Variants in PLA2G4B observed in about 807,000 individuals in gnomAD.
The protein encoded by PLA2G4B is cytosolic phospholipase A2 beta.
Under a neutral mutation model 95.8 loss-of-function variants are expected in PLA2G4B, and 122 were observed. That is an observed-to-expected ratio of 1.27 (90% CI 1.10 to 1.48). The LOEUF (loss-of-function observed/expected upper bound fraction) is 1.48. Ranked by LOEUF, PLA2G4B falls within the 40% of genes most tolerant of loss-of-function variation. The pLI is 0.00. For synonymous variants in PLA2G4B, 518 were observed against 421.5 expected, an observed-to-expected ratio of 1.23 and a Z score of -2.80; for missense variants, 1,158 against 996.2, an observed-to-expected ratio of 1.16 and a Z score of -2.19.
At chr15:41,840,977 C>A in intron 4 of PLA2G4B, 72 bp downstream of exon 4, 1 of 1,583,334 alleles carries the variant, frequency 6.3e-7, no homozygotes, top group South Asian at 1.2e-5. Flanking sequence ...CATGCACACA[C>A]ACGCATGTCT....
rs759945034 is a variant in PLA2G4B at position 41,840,912 on chromosome 15, C to T, written c.351+7C>T. The T allele has an allele frequency of 1.6e-5, 26 of 1,611,294 alleles. No homozygotes were observed. Among genetic ancestry groups the T allele is most frequent in the East Asian group, 2.2e-5 (1 of 44,792 alleles). ...CTTCTCACTGAGCCCTCAGGCAAGG[C>T]GGTGTTTCCACGGCAGCCCTAGCTG... On this transcript the variant is annotated splice_region_variant and intron_variant, in intron 4 of 19. Coordinates refer to ENST00000458483, the MANE Select transcript of PLA2G4B (RefSeq NM_001114633.2).
chr15:41,841,978 GC>G, intron 8 of PLA2G4B, 29 bp downstream of exon 8: 2 of 1,599,378 alleles, frequency 1.3e-6, no homozygotes, highest in South Asian at 1.1e-5. Flanking sequence ...TCGAGGTGGG[GC>G]CCCCAGAACT....
In PLA2G4B at chr15:41,843,769, G is replaced by C. The variant is rs368051052; in HGVS notation, c.837G>C (p.Leu279Phe). 9.9e-6 allele frequency: 16 copies of C among 1,613,784 alleles called. No homozygotes were observed. The highest frequency in any genetic ancestry group is 1.4e-5 in the Non-Finnish European group (16 of 1,179,826). The change falls in exon 11 of 20, where the codon TTG (leucine) becomes TTC (phenylalanine). Residue 279 changes from leucine to phenylalanine, a missense_variant. Coordinates refer to ENST00000458483, the MANE Select transcript of PLA2G4B (RefSeq NM_001114633.2). ...GGAAGCAGGTGGTGGCCGCGGCCTT[G>C]AGGCAGGCCCTGCAGCTGGACGGAG... Reference protein sequence around the residue: ...SRRKQVVAAALRQALQLDGDL... With the variant: ...SRRKQVVAAAFRQALQLDGDL...
intron 7 of PLA2G4B, 122 bp downstream of exon 7, chr15:41,841,693 G>C: frequency 1.3e-6 from 2 of 1,563,136 alleles, no homozygotes; most frequent in African/African-American, 1.4e-5. Flanking sequence ...GGACTGTGGT[G>C]GGGGATCCAT....
Position 41,847,486 on chromosome 15 carries a change from T to G in PLA2G4B, c.2097T>G (p.Pro699=). The change falls in exon 19 of 20, where the codon CCT becomes CCG. Residue 699 remains proline, a synonymous_variant. Coordinates refer to ENST00000458483, the MANE Select transcript of PLA2G4B (RefSeq NM_001114633.2). ...CPGAPAVLHF[P]LVSDSFREYS... is the part of the protein sequence containing the mutation. Reference sequence around the variant, plus strand: ...GAGCCCCTGCGGTGCTGCACTTTCCTCTGGTCAGCGACTCCTTCCGGGAGT... The same window carrying G: ...GAGCCCCTGCGGTGCTGCACTTTCCGCTGGTCAGCGACTCCTTCCGGGAGT... 2 of 1,610,674 alleles carry G rather than the reference T, an allele frequency of 1.2e-6. No individual in the cohort carries two copies.
In PLA2G4B at chr15:41,841,076, G is replaced by A; in HGVS notation, c.373G>A (p.Glu125Lys). ...CCAGGGTGAGGGGCGCCTGGAAGTT[G>A]AATTTCGCCTGCAGAGTCTGTGAGT... ...SPQGEGRLEV[E>K]FRLQSLADRG... The change falls in exon 5 of 20, where the codon GAA becomes AAA. Residue 125 changes from glutamate (E) to lysine (K), a missense_variant. Coordinates refer to ENST00000458483, the MANE Select transcript of PLA2G4B (RefSeq NM_001114633.2). 3.8e-6 allele frequency: 6 copies of A among 1,587,860 alleles called. No individual in the cohort carries two copies. Among genetic ancestry groups the A allele is most frequent in the Non-Finnish European group, 5.2e-6 (6 of 1,163,732 alleles).
rs1017093259 is a variant in PLA2G4B at position 41,845,033 on chromosome 15, T to A, written c.1202T>A (p.Leu401Gln). The A allele has an allele frequency of 1.2e-6, 2 of 1,600,800 alleles. No individual in the cohort carries two copies. The highest frequency in any genetic ancestry group is 3.3e-4 in the Middle Eastern group (2 of 6,046). ...RLGYPSCFTN[L>Q]WALINEALLH... ...GGCTACCCAAGCTGCTTCACCAACC[T>A]GTGGGCCCTCATCAACGAGGCGCTG... Residue 401 changes from leucine (L) to glutamine (Q), a missense_variant, in exon 13 of 20, where the codon CTG becomes CAG. Leu to Gln is a moderately radical substitution (Grantham distance 113). Coordinates refer to ENST00000458483, the MANE Select transcript of PLA2G4B (RefSeq NM_001114633.2).
At position 41,848,103 on chromosome 15, in the gene PLA2G4B, T is replaced by G. The variant is rs1595429815; in HGVS notation, c.*243T>G. On this transcript the variant is annotated 3_prime_UTR_variant, in exon 20 of 20. Coordinates refer to ENST00000458483, the MANE Select transcript of PLA2G4B (RefSeq NM_001114633.2). ...GCCTGTTTTCCCTTCTGCGCTACCT[T>G]GAGTAGTTGGAGCACTTGATACATC... 1.7e-6 allele frequency: 1 copy of G among 593,826 alleles called. No individual in the cohort carries two copies. Among genetic ancestry groups the G allele is most frequent in the East Asian group, 2.8e-5 (1 of 35,154 alleles). 36.8% of individuals were successfully genotyped at this position (593,826 alleles called of 1,614,324 possible). A position where few individuals can be genotyped will look rare whatever the true frequency, so the allele number is the denominator to read the frequency against.
At chr15:41,839,844 C>T (rs1267261743) in intron 1 of PLA2G4B, 2 of 326,052 alleles carry the variant, frequency 6.1e-6, no homozygotes, top group South Asian at 5.7e-5. Flanking sequence ...CAAGTGACTG[C>T]TTCTCTGTGC....
In PLA2G4B at chr15:41,844,910, A is replaced by G; in HGVS notation, c.1079A>G (p.Glu360Gly). The change falls in exon 13 of 20, where the codon GAG becomes GGG. Residue 360 changes from glutamate (E) to glycine (G), a missense_variant. Coordinates refer to ENST00000458483, the MANE Select transcript of PLA2G4B (RefSeq NM_001114633.2). ...WSQKDLAGPT[E>G]LLKTQVTKNK... ...CAGAAGGACCTGGCAGGGCCCACTG[A>G]GTTGCTGAAGACCCAGGTGACCAAG... The G allele has an allele frequency of 6.2e-7, 1 of 1,612,226 alleles. No individual in the cohort carries two copies. Among genetic ancestry groups the G allele is most frequent in the South Asian group, 1.1e-5 (1 of 90,482 alleles).
intron 7 of PLA2G4B, 22 bp from the exon 8 acceptor site, chr15:41,841,797 C>CT (rs1567169672): frequency 6.2e-7 from 1 of 1,611,858 alleles, no homozygotes; most frequent in Non-Finnish European, 8.5e-7. Flanking sequence ...CCCAGCCTCT[C>CT]TGCTCTGGTT....
intron 1 of PLA2G4B, chr15:41,839,927 A>G (rs932807857): frequency 6.6e-5 from 36 of 544,806 alleles, no homozygotes; most frequent in African/African-American, 6.2e-4. Flanking sequence ...AAATGAGTTA[A>G]TGTATGCAAA....
intron 4 of PLA2G4B, 41 bp from the exon 5 acceptor site, chr15:41,841,014 C>T (rs775943608): frequency 5.1e-6 from 8 of 1,568,780 alleles, no homozygotes; most frequent in African/African-American, 4.1e-5. Flanking sequence ...TATGTGCACT[C>T]CTTCTGACCC....
rs1312988715 is a variant in PLA2G4B, at chr15:41,847,785, C to T, written c.2271C>T (p.Val757=). Residue 757 remains valine (V), a synonymous_variant, in exon 20 of 20, where the codon GTC becomes GTT. Transcript: ENST00000458483. The part of the protein sequence containing the change: ...DKLLHLTHYN[V]CNNQEQLLEA... ...TGCTGCACCTGACACATTACAATGTCTGCAACAACCAGGAGCAGCTGCTGG... is the reference window on the plus strand; with the variant it reads ...TGCTGCACCTGACACATTACAATGTTTGCAACAACCAGGAGCAGCTGCTGG... 2 of 1,609,854 alleles carry T rather than the reference C, an allele frequency of 1.2e-6. No individual in the cohort carries two copies. Among genetic ancestry groups the T allele is most frequent in the South Asian group, 1.1e-5 (1 of 91,086 alleles).
intron 10 of PLA2G4B, chr15:41,843,111 C>CGGAG (rs1567170554): frequency 4.1e-5 from 5 of 122,316 alleles, no homozygotes; most frequent in Non-Finnish European, 8.5e-5. Flanking sequence ...GATGGAGTCT[C>CGGAG]TCTCTGTCGC....
At chr15:41,845,799 G>A (rs749196798) in intron 15 of PLA2G4B, 24 bp downstream of exon 15, 1 of 1,573,916 alleles carries the variant, frequency 6.4e-7, no homozygotes, top group Non-Finnish European at 8.6e-7. Flanking sequence ...GCAGGCTGGG[G>A]AAGCTGGGCC....
rs1452749205 is a variant in PLA2G4B, at chr15:41,838,892, C to T, written c.-22C>T. 3 of 1,593,226 alleles carry T rather than the reference C, an allele frequency of 1.9e-6. No homozygotes were observed. The highest frequency in any genetic ancestry group is 2.6e-6 in the Non-Finnish European group (3 of 1,168,976). ...TCCTGTGGCCACTGCCCCATCATTC[C>T]TGCTCCTGAGGACTCAGTCTCATGG... On this transcript the variant is annotated 5_prime_UTR_variant, in exon 1 of 20. Transcript: ENST00000458483.
At chr15:41,843,883 C>T in intron 11 of PLA2G4B, 72 bp downstream of exon 11, 1 of 1,567,690 alleles carries the variant, frequency 6.4e-7, no homozygotes, top group South Asian at 1.2e-5. Flanking sequence ...AACACTGGAG[C>T]TGCTTGTCCC....
At position 41,846,036 on chromosome 15, in the gene PLA2G4B, A is replaced by G. The variant is rs1476199774; in HGVS notation, c.1589A>G (p.Gln530Arg). 1 of 1,555,942 alleles carries G rather than the reference A, an allele frequency of 6.4e-7. No homozygotes were observed. The highest frequency in any genetic ancestry group is 1.2e-5 in the South Asian group (1 of 82,896). ...SQFWDRWVRN[Q>R]ANLDKEQVPL... is the part of the protein sequence containing the mutation. Reference sequence around the variant, plus strand: ...TTCTGGGACCGCTGGGTCAGGAACCAGGCCAACCTGGGTAAGTGCTCCGGG... The same window carrying G: ...TTCTGGGACCGCTGGGTCAGGAACCGGGCCAACCTGGGTAAGTGCTCCGGG... The change falls in exon 16 of 20, where the codon CAG becomes CGG. Residue 530 changes from glutamine (Q) to arginine (R), a missense_variant. Coordinates refer to ENST00000458483, the MANE Select transcript of PLA2G4B (RefSeq NM_001114633.2).
Sources: allele counts gnomAD v4.1 joint callset, GRCh38; gene constraint gnomAD v4.1.1; transcripts MANE v1.5; gene names NCBI Gene and HGNC (gene_info 2026-07-23, HGNC 2026-07-21).